ASAP1: variants seen among roughly 807,000 people sequenced by gnomAD.
ASAP1 encodes the protein arf-GAP with SH3 domain, ANK repeat and PH domain-containing protein 1.
Under a neutral mutation model 145.2 loss-of-function variants are expected in ASAP1, and 43 were observed. The ratio of observed to expected loss-of-function variants is 0.30; its 90% confidence interval spans 0.23 to 0.38. The LOEUF is 0.38. Among genes scored for constraint, ASAP1 ranks in the 10% least tolerant of loss-of-function variants. ASAP1 has a pLI of 1.00. For missense variants in ASAP1, 1,018 were observed against 1,355.3 expected, an observed-to-expected ratio of 0.75 and a Z score of 3.91; for synonymous variants, 546 against 515.5, an observed-to-expected ratio of 1.06 and a Z score of -0.80.
At chr8:130,274,170 T>C (rs1283301359) in intron 3 of ASAP1, among the ~76,000 whole-genome samples, 1 of 152,228 alleles carries the variant, frequency 6.6e-6, no homozygotes, top group African/African-American at 2.4e-5. Context: ...CCTGCCTGCA[T>C]TGCTTTCCCT....
rs1023809609 is a variant in ASAP1, at chr8:130,261,820, AG to A, written c.187-24827del. ...TCTGAAGGAGTTAGGATTATAGTCAAGGGATCTCCCTCCCTCCCTATGTTAG... is the reference window on the plus strand; with the variant it reads ...TCTGAAGGAGTTAGGATTATAGTCAAGGATCTCCCTCCCTCCCTATGTTAG... On this transcript the variant is annotated intron_variant, in intron 3 of 29. Transcript: ENST00000518721. Among the ~76,000 whole-genome samples the A allele has an allele frequency of 2.0e-5, 3 of 152,204 alleles. No homozygotes were observed. The East Asian group carries it at 5.8e-4, about 29-fold the overall frequency.
intron 23 of ASAP1, among the ~76,000 whole-genome samples, chr8:130,115,139 A>C (rs2097553048): frequency 6.6e-6 from 1 of 152,170 alleles, no homozygotes; most frequent in Admixed American, 6.5e-5. Context: ...GCTGTAAAGG[A>C]ATTTTTTAGA....
At position 130,118,196 on chromosome 8, in the gene ASAP1, T is replaced by C. The variant is rs1173317751; in HGVS notation, c.1845A>G (p.Thr615=). 3.1e-6 allele frequency: 5 copies of C among 1,613,746 alleles called. No homozygotes were observed. Among genetic ancestry groups the C allele is most frequent in the Non-Finnish European group, 1.7e-6 (2 of 1,179,856 alleles). The change falls in exon 20 of 30, where the codon ACA becomes ACG. Residue 615 remains threonine (T), a synonymous_variant. Coordinates refer to ENST00000518721, the MANE Select transcript of ASAP1 (RefSeq NM_018482.4). ...LHLAVRTADQ[T]SLHLVDFLVQ... ...CAAGGAAGTCAACCAAATGGAGAGA[T>C]GTCTGATCTGCAGTTCGGACGGCAA...
intron 1 of ASAP1, among the ~76,000 whole-genome samples, chr8:130,414,083 A>G (rs1451429667): frequency 1.3e-5 from 2 of 152,230 alleles, no homozygotes; most frequent in Non-Finnish European, 2.9e-5. Flanking sequence ...GAGTGGCTTC[A>G]TGGGGGACAT....
intron 17 of ASAP1, among the ~76,000 whole-genome samples, chr8:130,125,461 C>T (rs150513698): frequency 4.9e-4 from 74 of 152,150 alleles, no homozygotes; most frequent in African/African-American, 1.8e-3. Flanking sequence ...CAATTTCTTC[C>T]CTTACTACCT....
chr8:130,057,911 C>T, intron 29 of ASAP1, 43 bp downstream of exon 29: 1 of 1,606,034 alleles, frequency 6.2e-7, no homozygotes. Flanking sequence ...CCCAGGCATG[C>T]TGTATGAATG....
At chr8:130,214,851 G>A in intron 4 of ASAP1, 150 bp from the exon 5 acceptor site, 1 of 624,042 alleles carries the variant, frequency 1.6e-6, no homozygotes. Flanking sequence ...TAGGTTAGGA[G>A]TACACTAAAT....
chr8:130,202,097 G>A (rs1490779865), intron 5 of ASAP1, among the ~76,000 whole-genome samples: 1 of 152,064 alleles, frequency 6.6e-6, no homozygotes, highest in African/African-American at 2.4e-5. Flanking sequence ...TGCCCTGTCT[G>A]CTTGGTCTAC....
chr8:130,198,662 T>C (rs1345466378), intron 5 of ASAP1, among the ~76,000 whole-genome samples: 1 of 152,208 alleles, frequency 6.6e-6, no homozygotes, highest in African/African-American at 2.4e-5. Context: ...TTAGTCTCAC[T>C]AGGTTAACGA....
intron 3 of ASAP1, among the ~76,000 whole-genome samples, chr8:130,337,822 G>C (rs1208057821): frequency 6.6e-6 from 1 of 152,224 alleles, no homozygotes; most frequent in Non-Finnish European, 1.5e-5. Context: ...GCAATGGCCA[G>C]ACTTGGTAGC....
At chr8:130,107,149 T>C (rs1283559984) in intron 24 of ASAP1, among the ~76,000 whole-genome samples, 3 of 151,620 alleles carry the variant, frequency 2.0e-5, no homozygotes. Flanking sequence ...GATTGGGCCT[T>C]ATGAGGAAGA....
intron 3 of ASAP1, among the ~76,000 whole-genome samples, chr8:130,238,345 T>A (rs1477231681): frequency 6.6e-6 from 1 of 152,114 alleles, no homozygotes; most frequent in Non-Finnish European, 1.5e-5. Flanking sequence ...AAAATGACAT[T>A]AACAGAGACA....
intron 3 of ASAP1, among the ~76,000 whole-genome samples, chr8:130,288,662 T>A (rs1319063461): frequency 6.6e-6 from 1 of 152,208 alleles, no homozygotes; most frequent in Non-Finnish European, 1.5e-5. Context: ...ATTTAAAATG[T>A]ACTAGGCAAG....
chr8:130,283,120 A>G lies in ASAP1; in HGVS notation c.187-46126T>C, dbSNP rs1042366936. ...AAACCTTCATGGGATGGATTTGGCAAGTGGGCCACTACGTTGTGAGCTCTG... is the reference window on the plus strand; with the variant it reads ...AAACCTTCATGGGATGGATTTGGCAGGTGGGCCACTACGTTGTGAGCTCTG... On this transcript the variant is annotated intron_variant, in intron 3 of 29. Transcript: ENST00000518721. Among the ~76,000 whole-genome samples the G allele has an allele frequency of 7.2e-5, 11 of 152,250 alleles. 1 individual carries two copies. Among genetic ancestry groups the G allele is most frequent in the African/African-American group, 2.7e-4 (11 of 41,468 alleles).
chr8:130,140,108 C>T (rs1345033040), intron 13 of ASAP1, among the ~76,000 whole-genome samples: 1 of 150,284 alleles, frequency 6.7e-6, no homozygotes, highest in African/African-American at 2.4e-5. Context: ...TCATAGATCA[C>T]TGCAGTCTCA....
chr8:130,388,866 G>A (rs372041832), intron 2 of ASAP1, among the ~76,000 whole-genome samples: 9 of 152,310 alleles, frequency 5.9e-5, no homozygotes, highest in African/African-American at 1.4e-4. Flanking sequence ...AGTAGCACAC[G>A]GAGTAAAAGT....
In ASAP1 at chr8:130,409,653, T is replaced by C. The variant is rs150901631; in HGVS notation, c.-27-7683A>G. ...AGGGCTGAGGTATTCTCCCTGACAATGCCGAGGCTGCTGGACCTTAGCTTT... is the reference window on the plus strand; with the variant it reads ...AGGGCTGAGGTATTCTCCCTGACAACGCCGAGGCTGCTGGACCTTAGCTTT... On this transcript the variant is annotated intron_variant, in intron 1 of 29. Transcript: ENST00000518721. 3.6e-4 allele frequency among the ~76,000 whole-genome samples: 55 copies of C among 152,298 alleles called. 1 individual carries two copies. Among genetic ancestry groups the C allele is most frequent in the African/African-American group, 1.3e-3 (52 of 41,558 alleles).
chr8:130,236,132 G>A (rs949154978), intron 4 of ASAP1, among the ~76,000 whole-genome samples: 2 of 152,052 alleles, frequency 1.3e-5, no homozygotes, highest in Non-Finnish European at 2.9e-5. Context: ...ATTATAGTCT[G>A]CTGCCTTCCC....
At chr8:130,239,771 T>TCCATACTTATGATTGCCCTTTTTC (rs1818417500) in intron 3 of ASAP1, among the ~76,000 whole-genome samples, 2 of 152,134 alleles carry the variant, frequency 1.3e-5, no homozygotes, top group African/African-American at 4.8e-5. Flanking sequence ...TTAATTTTTT[T>TCCATACTTATGATTGCCCTTTTTC]CCATACTTAT....
Sources: gnomAD v4.1 joint callset for allele counts (sites outside exome capture counted in the v4.1 genomes callset) on GRCh38, gnomAD v4.1.1 for gene constraint, MANE v1.5 for transcripts, NCBI Gene and HGNC (gene_info 2026-07-23, HGNC 2026-07-21) for gene names.